The following METTL15 variants were observed in gnomAD, a reference collection of about 807,000 sequenced individuals.
METTL15 encodes the protein methyltransferase 15, mitochondrial 12S rRNA N4-cytidine.
METTL15 carries 34 observed loss-of-function variants against 38.3 expected under a neutral mutation model. That is an observed-to-expected ratio of 0.89 (90% CI 0.68 to 1.18). The LOEUF (loss-of-function observed/expected upper bound fraction) is 1.18. Among genes scored for constraint, METTL15 ranks in the 50% most tolerant of loss-of-function variants. The pLI is 0.00. For synonymous variants in METTL15, 162 were observed against 170.9 expected, an observed-to-expected ratio of 0.95 and a Z score of 0.41; for missense variants, 438 against 498.4, an observed-to-expected ratio of 0.88 and a Z score of 1.15.
chr11:28,232,259 C>G (rs1032083675), intron 4 of METTL15, among the ~76,000 whole-genome samples: 1 of 151,738 alleles, frequency 6.6e-6, no homozygotes, highest in African/African-American at 2.4e-5. Flanking sequence ...GCTCAAAATC[C>G]TTATTACTAG....
chr11:28,469,908 A>G (rs904700202), intron 6 of METTL15, among the ~76,000 whole-genome samples: 5 of 152,290 alleles, frequency 3.3e-5, no homozygotes, highest in Middle Eastern at 6.8e-3. Context: ...CTGTTAAAAC[A>G]TATTAGTGTT....
chr11:28,127,428 A>G (rs997114517), intron 3 of METTL15, among the ~76,000 whole-genome samples: 1 of 149,280 alleles, frequency 6.7e-6, no homozygotes, highest in Non-Finnish European at 1.5e-5. Flanking sequence ...GTGCCCACAG[A>G]TCCAGTATCT....
chr11:28,129,828 TAGTG>T (rs1852679647), intron 3 of METTL15, among the ~76,000 whole-genome samples: 1 of 152,168 alleles, frequency 6.6e-6, no homozygotes, highest in African/African-American at 2.4e-5. Context: ...ATTGCTAAAA[TAGTG>T]AGTGAATAAG....
chr11:28,490,613 G>A (rs1233733531), intron 6 of METTL15, among the ~76,000 whole-genome samples: 2 of 152,012 alleles, frequency 1.3e-5, no homozygotes, highest in Non-Finnish European at 2.9e-5. Context: ...AGCTCCCCAG[G>A]TGATTCTTAA....
rs1016427856 is a variant in METTL15 at position 28,394,333 on chromosome 11, T to C, written c.*359-29966T>C. 2.9e-4 allele frequency among the ~76,000 whole-genome samples: 44 copies of C among 152,238 alleles called. No homozygotes were observed. In the East Asian group the frequency reaches 3.7e-3, roughly 13 times the overall value. On this transcript the variant is annotated intron_variant and NMD_transcript_variant, in intron 5 of 7. Coordinates refer to the METTL15 transcript ENST00000532947. ...GGAGCAGGAAGAGTTAGAAAAGCTT[T>C]CATTCACAACACAAATGCTGAGGGA... is the stretch of plus-strand genomic sequence containing the variant.
chr11:28,235,645 T>C (rs1348709050), intron 4 of METTL15, among the ~76,000 whole-genome samples: 4 of 152,150 alleles, frequency 2.6e-5, no homozygotes, highest in South Asian at 4.1e-4. Context: ...GTGATTTTTG[T>C]ACATTGATTT....
chr11:28,511,278 T>C (rs1016600462), intron 6 of METTL15, among the ~76,000 whole-genome samples: 3 of 152,206 alleles, frequency 2.0e-5, no homozygotes, highest in African/African-American at 7.2e-5. Flanking sequence ...TGAAGTCTTA[T>C]TGATAACATA....
chr11:28,292,827 T>TC (rs1250025058), intron 5 of METTL15, among the ~76,000 whole-genome samples: 1 of 152,236 alleles, frequency 6.6e-6, no homozygotes, highest in East Asian at 1.9e-4. Context: ...GAGCATTTTT[T>TC]CATGTGTCTT....
rs1001613490 is a variant in METTL15, at chr11:28,254,942, A to T, written c.408-35264A>T. ...CTTTTTGCTCAGGATAGCCTTGGCT[A>T]TTCTAGGACATTTGTGGTTCCATAT... On this transcript the variant is annotated intron_variant, in intron 4 of 6. Transcript: ENST00000407364. 2.0e-5 allele frequency among the ~76,000 whole-genome samples: 3 copies of T among 152,242 alleles called. No homozygotes were observed. In the East Asian group the frequency reaches 5.8e-4, roughly 29 times the overall value.
intron 3 of METTL15, among the ~76,000 whole-genome samples, chr11:28,146,063 A>C (rs1361644411): frequency 6.6e-6 from 1 of 152,114 alleles, no homozygotes; most frequent in African/African-American, 2.4e-5. Context: ...TTTAAAAAAC[A>C]GCTAGCATAT....
chr11:28,406,356 A>G (rs1330289075), intron 5 of METTL15, among the ~76,000 whole-genome samples: 4 of 152,084 alleles, frequency 2.6e-5, no homozygotes, highest in Non-Finnish European at 2.9e-5. Context: ...ATGGGAGTTC[A>G]TTCCTGATTT....
At chr11:28,330,149 C>T (rs578164253) in intron 6 of METTL15, among the ~76,000 whole-genome samples, 1 of 152,224 alleles carries the variant, frequency 6.6e-6, no homozygotes, top group East Asian at 1.9e-4. Context: ...CACCATTTCT[C>T]TTTCTGTGCT....
intron 4 of METTL15, among the ~76,000 whole-genome samples, chr11:28,257,054 C>T (rs554864853): frequency 2.6e-5 from 4 of 152,208 alleles, no homozygotes; most frequent in South Asian, 2.1e-4. Flanking sequence ...GAAGTACTCC[C>T]TTGGGCATTT....
At chr11:28,450,831 G>A (rs1851114473) in intron 6 of METTL15, among the ~76,000 whole-genome samples, 1 of 152,142 alleles carries the variant, frequency 6.6e-6, no homozygotes, top group Admixed American at 6.5e-5. Flanking sequence ...ATAGAATAAA[G>A]GTAACTGTAA....
At chr11:28,460,162 G>A (rs1054380599) in intron 6 of METTL15, among the ~76,000 whole-genome samples, 6 of 151,544 alleles carry the variant, frequency 4.0e-5, no homozygotes, top group Non-Finnish European at 8.8e-5. Flanking sequence ...TTACCAGTTG[G>A]AGGCTTCTCC....
chr11:28,277,171 G>C (rs925666222), intron 4 of METTL15, among the ~76,000 whole-genome samples: 1 of 152,080 alleles, frequency 6.6e-6, no homozygotes, highest in Non-Finnish European at 1.5e-5. Context: ...AAACAGTAAG[G>C]AGATTTCTTC....
chr11:28,521,281 G>A (rs1322585615), intron 6 of METTL15, among the ~76,000 whole-genome samples: 1 of 152,182 alleles, frequency 6.6e-6, no homozygotes, highest in Non-Finnish European at 1.5e-5. Flanking sequence ...TGTCCAGCCA[G>A]TTCTGACATG....
chr11:28,403,744 A>T (rs1487096380), intron 5 of METTL15, among the ~76,000 whole-genome samples: 4 of 152,094 alleles, frequency 2.6e-5, no homozygotes, highest in African/African-American at 4.8e-5. Flanking sequence ...ATGACTAAGA[A>T]ATGGGTTAAT....
At chr11:28,389,551 G>A (rs549960311) in intron 5 of METTL15, among the ~76,000 whole-genome samples, 2 of 152,052 alleles carry the variant, frequency 1.3e-5, no homozygotes, top group Non-Finnish European at 2.9e-5. Context: ...TCCCTACAAA[G>A]GACATGAACT....
Sources: allele counts gnomAD v4.1 joint callset (sites outside exome capture counted in the v4.1 genomes callset), GRCh38; gene constraint gnomAD v4.1.1; transcripts MANE v1.5; gene names NCBI Gene and HGNC (gene_info 2026-07-23, HGNC 2026-07-21).